The following TGIF1 variants were observed in gnomAD, a reference collection of about 807,000 sequenced individuals.
TGIF1 encodes homeobox protein TGIF1.
Under a neutral mutation model 19.3 loss-of-function variants are expected in TGIF1, and 4 were observed. That is an observed-to-expected ratio of 0.21 (90% CI 0.10 to 0.47). The LOEUF (loss-of-function observed/expected upper bound fraction) is 0.47, where lower values mean the gene tolerates loss of function less well. Among genes scored for constraint, TGIF1 ranks in the 20% least tolerant of loss-of-function variants. TGIF1 has a pLI of 0.98. For synonymous variants in TGIF1, 122 were observed against 129.3 expected, an observed-to-expected ratio of 0.94 and a Z score of 0.38; for missense variants, 275 against 341.4, an observed-to-expected ratio of 0.81 and a Z score of 1.53.
At chr18:3,422,750 G>A (rs2082421912) in intron 2 of TGIF1, among the ~76,000 whole-genome samples, 1 of 144,888 alleles carries the variant, frequency 6.9e-6, no homozygotes, top group South Asian at 2.2e-4. Flanking sequence ...GAGTGCAGTG[G>A]CGTGATCTCC....
intron 2 of TGIF1, among the ~76,000 whole-genome samples, chr18:3,434,261 G>A (rs1202859361): frequency 1.3e-5 from 2 of 152,282 alleles, no homozygotes; most frequent in African/African-American, 4.8e-5. Flanking sequence ...CTTGGGCCGG[G>A]TGCGGTGGCT....
upstream of TGIF1, chr18:3,450,104 G>T: frequency 9.4e-7 from 1 of 1,063,862 alleles, no homozygotes; most frequent in Non-Finnish European, 1.1e-6. Flanking sequence ...GGCGGGGCGG[G>T]AGGGGGACGG....
chr18:3,450,295 C>G lies in TGIF1; in HGVS notation c.-195C>G. 1.4e-6 allele frequency: 2 copies of G among 1,444,154 alleles called. No homozygotes were observed. The highest frequency in any genetic ancestry group is 1.8e-6 in the Non-Finnish European group (2 of 1,100,124). The allele number at this position is 1,444,154 out of a possible 1,614,324, so 89.5% of individuals were successfully genotyped here. A position where few individuals can be genotyped will look rare whatever the true frequency, so the allele number is the denominator to read the frequency against. The stretch of plus-strand genomic sequence containing the variant: ...CCAGAAGATCCCGGCGGGAGGAAGC[C>G]CAAGTGTCACTTGAATTCCACCCAA... On this transcript the variant is annotated 5_prime_UTR_variant, in exon 1 of 3. Transcript: ENST00000343820.
In TGIF1 at chr18:3,450,616, A is replaced by C. The variant is rs1172459606; in HGVS notation, c.16+111A>C. On this transcript the variant is annotated intron_variant, in intron 1 of 2. Transcript: ENST00000343820. ...TGGACTTTTCCGCCCAGGGGCTCTC[A>C]TGCTGGAGTGGCGGCCGTGCTCTTT... 1.1e-5 allele frequency: 17 copies of C among 1,540,778 alleles called. No homozygotes were observed. In the Admixed American group the frequency reaches 3.0e-4, roughly 27 times the overall value.
chr18:3,456,010 G>GT lies in TGIF1; in HGVS notation c.17-341dup. ...TTCCAACTGCCACAGCACCCTTCCTGTTTCAAATGTGGCAGGTTATTCATT... is the reference window on the plus strand; with the variant it reads ...TTCCAACTGCCACAGCACCCTTCCTGTTTTCAAATGTGGCAGGTTATTCATT... On this transcript the variant is annotated intron_variant, in intron 1 of 2. Coordinates refer to ENST00000343820, the MANE Select transcript of TGIF1 (RefSeq NM_003244.4). The surrounding 1 kb of genome is among the most constrained non-coding windows in gnomAD (Gnocchi z 4.2). The GT allele has an allele frequency of 2.7e-6, 1 of 375,200 alleles. No individual in the cohort carries two copies. The highest frequency in any genetic ancestry group is 5.1e-6 in the Non-Finnish European group (1 of 195,478). The allele number at this position is 375,200 out of a possible 1,614,324, so 23.2% of individuals were successfully genotyped here. A position where few individuals can be genotyped will look rare whatever the true frequency, so the allele number is the denominator to read the frequency against.
At chr18:3,453,971 A>G in intron 1 of TGIF1, 3 of 376,570 alleles carry the variant, frequency 8.0e-6, no homozygotes, top group Non-Finnish European at 1.1e-5. Flanking sequence ...AAGCTGAGCC[A>G]CAACTAGGAG....
chr18:3,421,859 T>C (rs944801773), intron 2 of TGIF1, among the ~76,000 whole-genome samples: 1 of 152,036 alleles, frequency 6.6e-6, no homozygotes, highest in Admixed American at 6.6e-5. Flanking sequence ...TAAGTGTTAT[T>C]GCCCCAAAGA....
chr18:3,429,829 AG>A (rs2082523580), intron 2 of TGIF1, among the ~76,000 whole-genome samples: 1 of 152,246 alleles, frequency 6.6e-6, no homozygotes, highest in African/African-American at 2.4e-5. Flanking sequence ...ATTGTGTTTT[AG>A]TGTTGTCAAA....
At position 3,459,289 on chromosome 18, in the gene TGIF1, T is replaced by G. The variant is rs563563268; in HGVS notation, c.*1349T>G. On this transcript the variant is annotated 3_prime_UTR_variant, in exon 3 of 3. Coordinates refer to ENST00000343820, the MANE Select transcript of TGIF1 (RefSeq NM_003244.4). The stretch of plus-strand genomic sequence containing the variant: ...GAATGTAGAAAAATACAAATTTGTC[T>G]AATTTTGAAACTATTTTAGAAAGTC... The G allele has an allele frequency of 6.6e-6, 1 of 152,342 alleles. No individual in the cohort carries two copies. The highest frequency in any genetic ancestry group is 1.5e-5 in the Non-Finnish European group (1 of 68,030). The allele number at this position is 152,342 out of a possible 1,614,324, so 9.4% of individuals were successfully genotyped here.
Position 3,458,624 on chromosome 18 carries a change from T to A in TGIF1, c.*684T>A, listed in dbSNP as rs1468154408. 2 of 153,394 alleles carry A rather than the reference T, an allele frequency of 1.3e-5. No homozygotes were observed. The highest frequency in any genetic ancestry group is 4.8e-5 in the African/African-American group (2 of 41,454). 9.5% of individuals were successfully genotyped at this position (153,394 alleles called of 1,614,324 possible). A position where few individuals can be genotyped will look rare whatever the true frequency, so the allele number is the denominator to read the frequency against. On this transcript the variant is annotated 3_prime_UTR_variant, in exon 3 of 3. Transcript: ENST00000343820. ...GAGGCATAGCAGGCCCTTAGAGCTT[T>A]ACTTAAACTGCATGGCAAATTGAAA...
intron 2 of TGIF1, among the ~76,000 whole-genome samples, chr18:3,433,248 A>AT (rs1260397777): frequency 6.7e-6 from 1 of 150,232 alleles, no homozygotes; most frequent in Non-Finnish European, 1.5e-5. Flanking sequence ...TGATTTTTGT[A>AT]TTTTTGGTAG....
At chr18:3,423,579 C>T (rs2082434378) in intron 2 of TGIF1, among the ~76,000 whole-genome samples, 1 of 151,936 alleles carries the variant, frequency 6.6e-6, no homozygotes, top group South Asian at 2.1e-4. Flanking sequence ...TACTCAGGAG[C>T]TACTGAGGCA....
At chr18:3,424,805 C>T (rs2082447352) in intron 2 of TGIF1, among the ~76,000 whole-genome samples, 1 of 152,194 alleles carries the variant, frequency 6.6e-6, no homozygotes, top group African/African-American at 2.4e-5. Flanking sequence ...AGTTGCTTAA[C>T]CCTTGGAGGT....
upstream of TGIF1, chr18:3,448,691 T>G: frequency 1.4e-5 from 10 of 689,988 alleles, no homozygotes; most frequent in Non-Finnish European, 1.8e-5. Flanking sequence ...AACTCTGGCC[T>G]CCACGCATTC....
upstream of TGIF1, chr18:3,449,392 C>T: frequency 1.0e-6 from 1 of 985,402 alleles, no homozygotes; most frequent in South Asian, 4.7e-5. Context: ...CCCGGCCGTC[C>T]CCGGGCAGAG....
intron 2 of TGIF1, among the ~76,000 whole-genome samples, chr18:3,429,718 G>A (rs2082522115): frequency 6.6e-6 from 1 of 152,164 alleles, no homozygotes; most frequent in Non-Finnish European, 1.5e-5. Flanking sequence ...CACAATCAAA[G>A]TACAAGATAG....
chr18:3,431,845 T>C (rs1451589705), intron 2 of TGIF1, among the ~76,000 whole-genome samples: 1 of 151,994 alleles, frequency 6.6e-6, no homozygotes, highest in Non-Finnish European at 1.5e-5. Flanking sequence ...TAAAATGTAC[T>C]AAGGGCCGGG....
At chr18:3,443,951 T>C (rs1243134446) in intron 2 of TGIF1, among the ~76,000 whole-genome samples, 1 of 151,640 alleles carries the variant, frequency 6.6e-6, no homozygotes, top group Non-Finnish European at 1.5e-5. Flanking sequence ...TTTTTTTTTT[T>C]TGAGACGGAG....
chr18:3,446,468 G>A (rs7239024), upstream of TGIF1, among the ~76,000 whole-genome samples: 9,908 of 152,246 alleles, frequency 0.065, 1,020 homozygotes, highest in African/African-American at 0.21. Context: ...ACAGGTGTGA[G>A]CCACAGCGCC....
Sources: gnomAD v4.1 joint callset for allele counts (sites outside exome capture counted in the v4.1 genomes callset) on GRCh38, gnomAD v4.1.1 for gene constraint, Gnocchi (gnomAD v3.1) non-coding constraint, MANE v1.5 for transcripts, NCBI Gene and HGNC (gene_info 2026-07-23, HGNC 2026-07-21) for gene names.